Variants in AGMO observed in about 807,000 individuals in gnomAD.
AGMO encodes the protein glyceryl-ether monooxygenase.
In AGMO, 75 loss-of-function variants were observed where a neutral mutation model predicts 60.2. That is an observed-to-expected ratio of 1.25 (90% CI 1.03 to 1.51). The LOEUF (loss-of-function observed/expected upper bound fraction) is 1.51. AGMO is among the 40% of genes most tolerant of loss of function. The pLI, the probability that AGMO is intolerant of heterozygous loss-of-function variation, is 0.00. For missense variants in AGMO, 763 were observed against 525.5 expected (o/e 1.45, Z -4.42); for synonymous variants, 261 against 177.1 (o/e 1.47, Z -3.76).
chr7:15,247,959 G>A (rs899380857), intron 12 of AGMO, among the ~76,000 whole-genome samples: 4 of 151,394 alleles, frequency 2.6e-5, no homozygotes, highest in African/African-American at 7.2e-5. Context: ...GGAAGAGGAA[G>A]ATCAAACAAA....
intron 3 of AGMO, among the ~76,000 whole-genome samples, chr7:15,519,380 G>A (rs1396529060): frequency 2.0e-5 from 3 of 151,854 alleles, no homozygotes; most frequent in Admixed American, 2.0e-4. Flanking sequence ...TTGAAATGAA[G>A]GAAAAAATGT....
chr7:15,220,690 A>G (rs1373477902), intron 12 of AGMO, among the ~76,000 whole-genome samples: 1 of 151,838 alleles, frequency 6.6e-6, no homozygotes, highest in Non-Finnish European at 1.5e-5. Flanking sequence ...CTTATTAGAA[A>G]ATTAACCTTA....
At chr7:15,138,809 T>A in the AGMO span, among the ~76,000 whole-genome samples, 2 of 150,302 alleles carry the variant, frequency 1.3e-5, no homozygotes, top group African/African-American at 4.9e-5. Context: ...AAATGTAATG[T>A]AAGGCCTGAG....
chr7:15,275,975 T>A (rs1004153042), intron 12 of AGMO, among the ~76,000 whole-genome samples: 1 of 152,172 alleles, frequency 6.6e-6, no homozygotes, highest in Non-Finnish European at 1.5e-5. Context: ...TCTTGTTTAG[T>A]CCAATTTGCC....
At chr7:15,373,100 C>G (rs934420882) in intron 10 of AGMO, among the ~76,000 whole-genome samples, 1 of 152,054 alleles carries the variant, frequency 6.6e-6, no homozygotes, top group Non-Finnish European at 1.5e-5. Context: ...CCCATCTCTA[C>G]TAAAAACACA....
chr7:15,492,934 C>G (rs988480433), intron 3 of AGMO, among the ~76,000 whole-genome samples: 1 of 152,052 alleles, frequency 6.6e-6, no homozygotes, highest in African/African-American at 2.4e-5. Flanking sequence ...AGCCTTGACG[C>G]CATCACTTTC....
intron 3 of AGMO, among the ~76,000 whole-genome samples, chr7:15,453,050 G>A (rs1781895949): frequency 6.6e-6 from 1 of 152,076 alleles, no homozygotes; most frequent in South Asian, 2.1e-4. Flanking sequence ...TAGATTAGCG[G>A]CTGCCAAGGG....
intron 3 of AGMO, among the ~76,000 whole-genome samples, chr7:15,465,365 A>G (rs74683150): frequency 0.1 from 15,233 of 150,198 alleles, 1,616 homozygotes; most frequent in African/African-American, 0.27. Flanking sequence ...ACGCACACAC[A>G]CATATATATG....
At chr7:15,157,503 T>A in the AGMO span, among the ~76,000 whole-genome samples, 1 of 152,190 alleles carries the variant, frequency 6.6e-6, no homozygotes, top group Non-Finnish European at 1.5e-5. Context: ...TATTTCTTAC[T>A]CAGCGTCCCA....
chr7:15,401,948 C>T (rs1042380365), intron 5 of AGMO, among the ~76,000 whole-genome samples: 2 of 152,022 alleles, frequency 1.3e-5, no homozygotes, highest in Non-Finnish European at 2.9e-5. Context: ...CAAGACTTTT[C>T]GTTACAGCGT....
At chr7:15,408,870 T>C (rs1461408734) in intron 5 of AGMO, among the ~76,000 whole-genome samples, 2 of 151,866 alleles carry the variant, frequency 1.3e-5, no homozygotes, top group African/African-American at 4.8e-5. Flanking sequence ...CTGAGCTATA[T>C]AGTGGTTTGT....
chr7:15,160,511 T>C, the AGMO span, among the ~76,000 whole-genome samples: 1 of 152,166 alleles, frequency 6.6e-6, no homozygotes, highest in South Asian at 2.1e-4. Context: ...TCCATCTTTT[T>C]TTTTCCATTC....
rs764243067 is a variant in AGMO, at chr7:15,561,740, C to A, written c.106G>T (p.Val36Leu). 1.2e-6 allele frequency: 2 copies of A among 1,608,634 alleles called. No individual in the cohort carries two copies. Among genetic ancestry groups the A allele is most frequent in the African/African-American group, 1.3e-5 (1 of 74,618 alleles). ...SETSFQTLEE[V>L]PDYVKKATPF... ...CTCACCTTTTTTACATAATCAGGCA[C>A]CTCTTCTAATGTTTGGAATGAAGTT... The change falls in exon 1 of 13, where the codon GTG becomes TTG. Residue 36 changes from valine to leucine, a missense_variant. Coordinates refer to ENST00000342526, the MANE Select transcript of AGMO (RefSeq NM_001004320.2).
In AGMO at chr7:15,365,578, A is replaced by C. The variant is rs1027027148; in HGVS notation, c.1199T>G (p.Phe400Cys). The C allele has an allele frequency of 6.2e-7, 1 of 1,612,910 alleles. No individual in the cohort carries two copies. The highest frequency in any genetic ancestry group is 8.5e-7 in the Non-Finnish European group (1 of 1,179,128). ...GTGACCAAATCGGTACAGCATTAAGAACATCAAGCAACGGAGAGTTTCCAT... is the reference window on the plus strand; with the variant it reads ...GTGACCAAATCGGTACAGCATTAAGCACATCAAGCAACGGAGAGTTTCCAT... ...AIMETLRCLMFLMLYRFGHLK... is the reference protein window; with the variant it reads ...AIMETLRCLMCLMLYRFGHLK... Residue 400 changes from phenylalanine (F) to cysteine (C), a missense_variant, in exon 12 of 13, where the codon TTC (phenylalanine) becomes TGC (cysteine). By Grantham distance (205) the Phe-to-Cys change is radical. Coordinates refer to ENST00000342526, the MANE Select transcript of AGMO (RefSeq NM_001004320.2).
chr7:15,161,754 C>T, the AGMO span, among the ~76,000 whole-genome samples: 19,558 of 151,744 alleles, frequency 0.13, 1,429 homozygotes, highest in Non-Finnish European at 0.17. Flanking sequence ...CCTCCACACA[C>T]GCACACCCTA....
At chr7:15,231,715 GATA>G (rs1782265068) in intron 12 of AGMO, among the ~76,000 whole-genome samples, 1 of 152,132 alleles carries the variant, frequency 6.6e-6, no homozygotes, top group African/African-American at 2.4e-5. Flanking sequence ...TATTTGTAAG[GATA>G]ATGTTACTTG....
the AGMO span, among the ~76,000 whole-genome samples, chr7:15,192,339 G>C: frequency 2.0e-5 from 3 of 151,958 alleles, no homozygotes; most frequent in Non-Finnish European, 4.4e-5. Flanking sequence ...TGACAGAGCA[G>C]CATGGCAGAG....
At chr7:15,336,987 G>A (rs1488561314) in intron 12 of AGMO, among the ~76,000 whole-genome samples, 1 of 152,136 alleles carries the variant, frequency 6.6e-6, no homozygotes, top group Non-Finnish European at 1.5e-5. Flanking sequence ...ACATTCCAGT[G>A]CCCTCCCTGG....
chr7:15,234,043 C>T (rs1375278658), intron 12 of AGMO, among the ~76,000 whole-genome samples: 3 of 152,100 alleles, frequency 2.0e-5, no homozygotes, highest in East Asian at 3.9e-4. Flanking sequence ...AGCAAGACTT[C>T]GTCTCAACAC....
Sources: gnomAD v4.1 joint callset for allele counts (sites outside exome capture counted in the v4.1 genomes callset) on GRCh38, gnomAD v4.1.1 for gene constraint, MANE v1.5 for transcripts, NCBI Gene and HGNC (gene_info 2026-07-23, HGNC 2026-07-21) for gene names.